FANCI: variants seen among roughly 807,000 people sequenced by gnomAD.
FANCI encodes Fanconi anemia group I protein.
FANCI carries 156 observed loss-of-function variants against 176.1 expected under a neutral mutation model. That is an observed-to-expected ratio of 0.89 (90% CI 0.78 to 1.01). The LOEUF is 1.01. FANCI is among the 50% of genes least tolerant of loss of function. The pLI, the probability that FANCI is intolerant of heterozygous loss-of-function variation, is 0.00. For missense variants in FANCI, 1,678 were observed against 1,534.1 expected (o/e 1.09, Z -1.57); for synonymous variants, 613 against 541.7 (o/e 1.13, Z -1.83).
intron 24 of FANCI, 21 bp from the exon 25 acceptor site, chr15:89,299,779 T>C (rs777274977): frequency 6.2e-7 from 1 of 1,611,374 alleles, no homozygotes; most frequent in East Asian, 2.2e-5. Context: ...TTAAAAACAA[T>C]ACCACTTTCT....
intron 37 of FANCI, 62 bp from the exon 38 acceptor site, chr15:89,316,332 CTTT>C (rs1216905796): frequency 8.8e-6 from 13 of 1,481,154 alleles, no homozygotes; most frequent in African/African-American, 1.4e-5. Flanking sequence ...TTTTTTCCTT[CTTT>C]TTATTTCCAC....
intron 8 of FANCI, 113 bp from the exon 9 acceptor site, chr15:89,264,409 A>T: frequency 1.2e-6 from 1 of 845,004 alleles, no homozygotes; most frequent in Non-Finnish European, 2.0e-6. Flanking sequence ...TAAGTCATAG[A>T]TTATTTATTT....
intron 24 of FANCI, among the ~76,000 whole-genome samples, chr15:89,299,113 T>G (rs1470384192): frequency 1.3e-5 from 2 of 150,952 alleles, no homozygotes; most frequent in South Asian, 4.2e-4. Flanking sequence ...GGTGTGAGTT[T>G]GCAGTGAGAT....
chr15:89,254,742 T>G (rs1596226644), intron 2 of FANCI, among the ~76,000 whole-genome samples: 3 of 151,434 alleles, frequency 2.0e-5, no homozygotes, highest in Non-Finnish European at 4.4e-5. Context: ...AGCCCAGGAG[T>G]TTCAAGTTAT....
intron 34 of FANCI, among the ~76,000 whole-genome samples, chr15:89,310,063 GC>G (rs1356521075): frequency 6.6e-6 from 1 of 152,160 alleles, no homozygotes; most frequent in Non-Finnish European, 1.5e-5. Context: ...TAATCAGAAT[GC>G]CCAAGAACAG....
At chr15:89,296,099 C>A (rs780272516) in intron 24 of FANCI, among the ~76,000 whole-genome samples, 4 of 152,098 alleles carry the variant, frequency 2.6e-5, no homozygotes, top group Non-Finnish European at 4.4e-5. Flanking sequence ...TCCCAAGTAG[C>A]TGGGATTACA....
intron 34 of FANCI, among the ~76,000 whole-genome samples, chr15:89,310,225 A>C (rs2054901151): frequency 6.6e-6 from 1 of 152,246 alleles, no homozygotes; most frequent in Non-Finnish European, 1.5e-5. Flanking sequence ...AGAACATAAA[A>C]GCAGCCATAG....
chr15:89,308,570 C>T (rs2054819887), intron 34 of FANCI, among the ~76,000 whole-genome samples: 3 of 152,220 alleles, frequency 2.0e-5, no homozygotes, highest in Admixed American at 2.0e-4. Context: ...TCTGCCTCTG[C>T]ATCACTTACA....
rs1157592899 is a variant in FANCI, at chr15:89,307,608, T to G, written c.3592-5T>G. ...ACATTGGTTTCCTTCTCCCTTGTTG[T>G]GCAGGTGAAGCTGTCTGGTTCTCAT... On this transcript the variant is annotated splice_polypyrimidine_tract_variant and splice_region_variant and intron_variant, in intron 33 of 37. Transcript: ENST00000310775. The G allele has an allele frequency of 6.2e-7, 1 of 1,614,100 alleles. No homozygotes were observed. The highest frequency in any genetic ancestry group is 1.3e-5 in the African/African-American group (1 of 74,940).
chr15:89,301,398 G>A lies in FANCI; in HGVS notation c.2962G>A (p.Val988Ile). 6.2e-7 allele frequency: 1 copy of A among 1,613,772 alleles called. No individual in the cohort carries two copies. The highest frequency in any genetic ancestry group is 8.5e-7 in the Non-Finnish European group (1 of 1,179,978). Residue 988 changes from valine (V) to isoleucine (I), a missense_variant, in exon 27 of 38, where the codon GTT becomes ATT. Coordinates refer to ENST00000310775, the MANE Select transcript of FANCI (RefSeq NM_001113378.2). Reference sequence around the variant, plus strand: ...CAAAGAAGCCCTCCTGCTAGTCACGGTTCTTACCAGTTTGTCCAAGTTACT... The same window carrying A: ...CAAAGAAGCCCTCCTGCTAGTCACGATTCTTACCAGTTTGTCCAAGTTACT... The part of the protein sequence containing the change: ...NSKEALLLVT[V>I]LTSLSKLLEP...
chr15:89,288,527 T>G (rs1436312063), intron 18 of FANCI, among the ~76,000 whole-genome samples: 1 of 152,196 alleles, frequency 6.6e-6, no homozygotes, highest in Non-Finnish European at 1.5e-5. Flanking sequence ...AGATTGCCAT[T>G]TGCTTTTTTT....
Position 89,277,036 on chromosome 15 carries a change from T to C in FANCI, c.1293+145T>C, listed in dbSNP as rs537677392. ...ATATATGACAGAGATTAGGATAATATTGAAACATTATAGATCCAGTTTGAT... is the reference window on the plus strand; with the variant it reads ...ATATATGACAGAGATTAGGATAATACTGAAACATTATAGATCCAGTTTGAT... On this transcript the variant is annotated intron_variant, in intron 13 of 37. Coordinates refer to ENST00000310775, the MANE Select transcript of FANCI (RefSeq NM_001113378.2). The C allele has an allele frequency of 2.1e-5, 17 of 818,818 alleles. No homozygotes were observed. The East Asian group carries it at 3.4e-4, about 16-fold the overall frequency. 50.7% of individuals were successfully genotyped at this position (818,818 alleles called of 1,614,324 possible).
rs1419001122 is a variant in FANCI, at chr15:89,317,108, T to C, written c.*649T>C. 4 of 592,762 alleles carry C rather than the reference T, an allele frequency of 6.7e-6. No individual in the cohort carries two copies. The highest frequency in any genetic ancestry group is 5.6e-5 in the African/African-American group (3 of 53,708). The allele number at this position is 592,762 out of a possible 1,614,324, so 36.7% of individuals were successfully genotyped here. A position where few individuals can be genotyped will look rare whatever the true frequency, so the allele number is the denominator to read the frequency against. On this transcript the variant is annotated 3_prime_UTR_variant, in exon 38 of 38. Transcript: ENST00000310775. The stretch of plus-strand genomic sequence containing the variant: ...CTATAGAGTGCAAGAATGCACTCTA[T>C]AGAATAAATTATCTTTAAACATTTC...
chr15:89,297,366 G>A (rs1318829568), intron 24 of FANCI, among the ~76,000 whole-genome samples: 1 of 152,118 alleles, frequency 6.6e-6, no homozygotes, highest in Non-Finnish European at 1.5e-5. Flanking sequence ...GGTGGCGGCT[G>A]GGCAGAGGCT....
In FANCI at chr15:89,258,696, C is replaced by G. The variant is rs1398365396; in HGVS notation, c.85-8C>G. The G allele has an allele frequency of 1.9e-6, 3 of 1,611,120 alleles. No individual in the cohort carries two copies. The highest frequency in any genetic ancestry group is 2.5e-6 in the Non-Finnish European group (3 of 1,177,400). On this transcript the variant is annotated splice_polypyrimidine_tract_variant and splice_region_variant and intron_variant, in intron 2 of 37. Transcript: ENST00000310775. ...GCCAGAGACTTGTACCTTTTTCTTT[C>G]TTTGCAGTTGACTAATCTCCTTCAG...
At chr15:89,315,709 A>G (rs2055209209) in intron 37 of FANCI, among the ~76,000 whole-genome samples, 1 of 152,060 alleles carries the variant, frequency 6.6e-6, no homozygotes, top group South Asian at 2.1e-4. Context: ...CTCAGAAACT[A>G]GTTTACCTCT....
rs1245521357 is a variant in FANCI, at chr15:89,317,066, G to C, written c.*607G>C. 1.7e-6 allele frequency: 1 copy of C among 591,052 alleles called. No individual in the cohort carries two copies. The allele number at this position is 591,052 out of a possible 1,614,324, so 36.6% of individuals were successfully genotyped here. ...TTACTTGTTTGGTATTTAAAGCACA[G>C]TTTGTTTTTCTGTCACCTATAGAGT... On this transcript the variant is annotated 3_prime_UTR_variant, in exon 38 of 38. Transcript: ENST00000310775.
At chr15:89,283,759 CTT>C (rs199549740) in intron 17 of FANCI, among the ~76,000 whole-genome samples, 5 of 142,508 alleles carry the variant, frequency 3.5e-5, no homozygotes, top group Admixed American at 7.0e-5. Context: ...ATATTTCTTT[CTT>C]TTTTTTTTTT....
intron 34 of FANCI, 128 bp downstream of exon 34, chr15:89,307,800 C>T: frequency 6.4e-7 from 1 of 1,560,708 alleles, no homozygotes; most frequent in African/African-American, 1.4e-5. Flanking sequence ...GCTGGAGGCA[C>T]CCATCAGAGA....
Sources: allele counts gnomAD v4.1 joint callset (sites outside exome capture counted in the v4.1 genomes callset), GRCh38; gene constraint gnomAD v4.1.1; transcripts MANE v1.5; gene names NCBI Gene and HGNC (gene_info 2026-07-23, HGNC 2026-07-21).